RANBP2: variants seen among roughly 807,000 people sequenced by gnomAD.
RANBP2 encodes E3 SUMO-protein ligase RanBP2.
RANBP2 carries 57 observed loss-of-function variants against 303.6 expected under a neutral mutation model. The observed-to-expected ratio is 0.19, with a 90% CI of 0.15 to 0.23. The LOEUF (loss-of-function observed/expected upper bound fraction) is 0.23, where lower values mean the gene tolerates loss of function less well. Ranked by LOEUF, RANBP2 falls within the 10% of genes least tolerant of loss-of-function variation. The pLI is 1.00. For synonymous variants in RANBP2, 1,167 were observed against 1,301.5 expected (o/e 0.90, Z 2.23); for missense variants, 3,138 against 3,780.8 (o/e 0.83, Z 4.46).
At chr2:109,338,804 C>T in the RANBP2 span, among the ~76,000 whole-genome samples, 7 of 152,118 alleles carry the variant, frequency 4.6e-5, no homozygotes, top group African/African-American at 9.7e-5. Flanking sequence ...GTGATCCACC[C>T]GCCTCGGCCT....
intron 7 of RANBP2, among the ~76,000 whole-genome samples, chr2:108,743,316 C>T (rs962475517): frequency 6.6e-6 from 1 of 152,284 alleles, no homozygotes; most frequent in African/African-American, 2.4e-5. Flanking sequence ...GTTGCTCTGG[C>T]TGGAGTGCAG....
At chr2:109,078,198 G>GTA in the RANBP2 span, among the ~76,000 whole-genome samples, 1,053 of 41,730 alleles carry the variant, frequency 0.025, 126 homozygotes, top group East Asian at 0.062. Flanking sequence ...TATATATAGC[G>GTA]TATATATATA....
rs372659584 is a variant in RANBP2, at chr2:108,719,596, T to C, written c.-11T>C. 1.6e-5 allele frequency: 26 copies of C among 1,602,232 alleles called. No homozygotes were observed. The African/African-American group carries it at 2.0e-4, about 12-fold the overall frequency. Reference sequence around the variant, plus strand: ...GGTCTCACGCGCCTCGGGAGCCAGGTTGGCGGCGCGATGAGGCGCAGCAAG... The same window carrying C: ...GGTCTCACGCGCCTCGGGAGCCAGGCTGGCGGCGCGATGAGGCGCAGCAAG... On this transcript the variant is annotated 5_prime_UTR_variant, in exon 1 of 29. Coordinates refer to ENST00000283195, the MANE Select transcript of RANBP2 (RefSeq NM_006267.5).
At chr2:108,973,418 G>A in the RANBP2 span, among the ~76,000 whole-genome samples, 1 of 152,358 alleles carries the variant, frequency 6.6e-6, no homozygotes, top group Middle Eastern at 3.4e-3. Context: ...AGACCTGGGA[G>A]GTCTGGGCTC....
chr2:108,725,851 C>T (rs1043337026), intron 1 of RANBP2, among the ~76,000 whole-genome samples: 5 of 151,332 alleles, frequency 3.3e-5, no homozygotes, highest in Non-Finnish European at 5.9e-5. Context: ...CTTGCTCTGT[C>T]GCCAGTGCTG....
chr2:109,016,113 G>A, the RANBP2 span, among the ~76,000 whole-genome samples: 2 of 152,258 alleles, frequency 1.3e-5, no homozygotes, highest in East Asian at 1.9e-4. Context: ...ACGGAGTTTC[G>A]CTCTGTCGCC....
the RANBP2 span, among the ~76,000 whole-genome samples, chr2:109,476,995 C>G: frequency 0.025 from 3,776 of 152,280 alleles, 147 homozygotes; most frequent in African/African-American, 0.086. Flanking sequence ...TTACTCCAAG[C>G]TGTTTTATCA....
At chr2:109,071,789 C>T in the RANBP2 span, among the ~76,000 whole-genome samples, 1 of 152,030 alleles carries the variant, frequency 6.6e-6, no homozygotes, top group African/African-American at 2.4e-5. Context: ...GCATGTAGAT[C>T]ATATTCAGAG....
At chr2:109,235,377 C>G in the RANBP2 span, among the ~76,000 whole-genome samples, 1 of 152,122 alleles carries the variant, frequency 6.6e-6, no homozygotes, top group African/African-American at 2.4e-5. Flanking sequence ...TTTGAGAGAC[C>G]CTAATCTTTT....
At chr2:109,334,079 C>A in the RANBP2 span, among the ~76,000 whole-genome samples, 8 of 152,208 alleles carry the variant, frequency 5.3e-5, no homozygotes, top group East Asian at 1.9e-4. Context: ...CACCTCAAAA[C>A]CAGGTTCAGA....
the RANBP2 span, among the ~76,000 whole-genome samples, chr2:109,009,378 CAT>C: frequency 2.6e-5 from 4 of 151,758 alleles, no homozygotes; most frequent in African/African-American, 7.3e-5. Flanking sequence ...GTAATAATAA[CAT>C]ATTTTTTCCT....
the RANBP2 span, among the ~76,000 whole-genome samples, chr2:108,996,858 G>A: frequency 6.6e-6 from 1 of 152,160 alleles, no homozygotes; most frequent in Admixed American, 6.5e-5. Context: ...ACTCCTTCCA[G>A]CCTGTGGCCC....
At chr2:109,416,240 T>G in the RANBP2 span, among the ~76,000 whole-genome samples, 1 of 152,142 alleles carries the variant, frequency 6.6e-6, no homozygotes, top group South Asian at 2.1e-4. Context: ...CCAGCCCAGG[T>G]TGGGTACCTG....
the RANBP2 span, among the ~76,000 whole-genome samples, chr2:109,517,094 A>G: frequency 1.3e-5 from 2 of 152,184 alleles, no homozygotes; most frequent in African/African-American, 4.8e-5. Flanking sequence ...CCACAGGCCT[A>G]GAACCGGCCA....
the RANBP2 span, among the ~76,000 whole-genome samples, chr2:109,089,811 A>G: frequency 6.6e-5 from 10 of 152,126 alleles, no homozygotes; most frequent in African/African-American, 2.4e-4. Context: ...TGTAAGTTTC[A>G]AGTTTCAAGA....
At chr2:109,278,220 C>T in the RANBP2 span, among the ~76,000 whole-genome samples, 1 of 152,036 alleles carries the variant, frequency 6.6e-6, no homozygotes, top group Non-Finnish European at 1.5e-5. Context: ...GGACTATTTT[C>T]TCTGCACTCC....
chr2:109,470,739 T>A, the RANBP2 span, among the ~76,000 whole-genome samples: 1 of 152,242 alleles, frequency 6.6e-6, no homozygotes, highest in East Asian at 1.9e-4. Flanking sequence ...GTGCAGGAAG[T>A]AGAGGCCTCG....
At chr2:109,591,511 T>C in the RANBP2 span, among the ~76,000 whole-genome samples, 1 of 152,150 alleles carries the variant, frequency 6.6e-6, no homozygotes, top group South Asian at 2.1e-4. Context: ...GAAGATGGAA[T>C]AGACTGTTAG....
chr2:108,942,971 C>T, the RANBP2 span, among the ~76,000 whole-genome samples: 1 of 152,220 alleles, frequency 6.6e-6, no homozygotes, highest in Non-Finnish European at 1.5e-5. Flanking sequence ...CCTTCGCTGA[C>T]GTGCAGGTAA....
Sources: allele counts gnomAD v4.1 joint callset (sites outside exome capture counted in the v4.1 genomes callset), GRCh38; gene constraint gnomAD v4.1.1; transcripts MANE v1.5; gene names NCBI Gene and HGNC (gene_info 2026-07-23, HGNC 2026-07-21).